The following PIP4K2A variants were observed in gnomAD, a reference collection of about 807,000 sequenced individuals.
PIP4K2A encodes the protein phosphatidylinositol-5-phosphate 4-kinase type 2 alpha, also known as phosphatidylinositol 5-phosphate 4-kinase type-2 alpha.
PIP4K2A carries 14 observed loss-of-function variants against 42.9 expected under a neutral mutation model. The ratio of observed to expected loss-of-function variants is 0.33; its 90% CI spans 0.22 to 0.51. The LOEUF is 0.51. PIP4K2A is among the 20% of genes least tolerant of loss of function. The pLI is 0.97. For synonymous variants in PIP4K2A, 192 were observed against 192.2 expected (o/e 1.00, Z 0.01); for missense variants, 434 against 519.8 (o/e 0.83, Z 1.61).
At chr10:22,640,780 A>G (rs1161906243) in intron 1 of PIP4K2A, among the ~76,000 whole-genome samples, 1 of 152,216 alleles carries the variant, frequency 6.6e-6, no homozygotes, top group Non-Finnish European at 1.5e-5. Context: ...TCCCTAATGC[A>G]AAGTGGAAAT....
At chr10:22,560,579 G>A (rs1785374086) in intron 6 of PIP4K2A, among the ~76,000 whole-genome samples, 2 of 152,196 alleles carry the variant, frequency 1.3e-5, no homozygotes, top group African/African-American at 4.8e-5. Context: ...CCTGAGAATC[G>A]ACAAGGCGGC....
intron 1 of PIP4K2A, among the ~76,000 whole-genome samples, chr10:22,657,917 G>A (rs1374542100): frequency 6.6e-6 from 1 of 152,008 alleles, no homozygotes; most frequent in Non-Finnish European, 1.5e-5. Context: ...ATAAACTAAT[G>A]CTATTGTGAA....
At chr10:22,607,152 T>TA (rs1837923212) in intron 3 of PIP4K2A, among the ~76,000 whole-genome samples, 1 of 152,100 alleles carries the variant, frequency 6.6e-6, no homozygotes, top group South Asian at 2.1e-4. Flanking sequence ...TTTCCACTTT[T>TA]AAAAAAAATC....
intron 4 of PIP4K2A, among the ~76,000 whole-genome samples, chr10:22,587,063 A>C (rs1350091184): frequency 6.6e-6 from 1 of 152,176 alleles, no homozygotes; most frequent in Admixed American, 6.5e-5. Context: ...CTGCCATCCC[A>C]GATTGCTGGG....
At chr10:22,563,479 G>GA (rs903852994) in intron 6 of PIP4K2A, among the ~76,000 whole-genome samples, 1 of 152,058 alleles carries the variant, frequency 6.6e-6, no homozygotes, top group South Asian at 2.1e-4. Context: ...CACTACTTTA[G>GA]AAAAAAAATC....
chr10:22,673,263 T>A (rs1839490094), intron 1 of PIP4K2A, among the ~76,000 whole-genome samples: 1 of 152,272 alleles, frequency 6.6e-6, no homozygotes, highest in Non-Finnish European at 1.5e-5. Context: ...AGCTGTCTTA[T>A]AATTATGCTT....
intron 1 of PIP4K2A, among the ~76,000 whole-genome samples, chr10:22,615,435 C>G (rs964705892): frequency 6.6e-6 from 1 of 152,024 alleles, no homozygotes; most frequent in Non-Finnish European, 1.5e-5. Flanking sequence ...TTCTAAGATA[C>G]TTATATTGGG....
intron 5 of PIP4K2A, among the ~76,000 whole-genome samples, chr10:22,571,106 G>A (rs1836976003): frequency 6.6e-6 from 1 of 152,212 alleles, no homozygotes; most frequent in Non-Finnish European, 1.5e-5. Flanking sequence ...TGTTTATAAA[G>A]AAGGAATGAT....
At chr10:22,671,020 T>C (rs946164648) in intron 1 of PIP4K2A, among the ~76,000 whole-genome samples, 27 of 152,174 alleles carry the variant, frequency 1.8e-4, no homozygotes, top group African/African-American at 6.0e-4. Flanking sequence ...CTGGCTATGA[T>C]GTAAATGCCT....
chr10:22,548,595 G>C (rs531397440), intron 7 of PIP4K2A, among the ~76,000 whole-genome samples: 2 of 152,266 alleles, frequency 1.3e-5, no homozygotes, highest in African/African-American at 4.8e-5. Context: ...TTATCAGTTG[G>C]ATCAAACAGA....
intron 1 of PIP4K2A, among the ~76,000 whole-genome samples, chr10:22,625,921 T>TG (rs1838426392): frequency 6.6e-6 from 1 of 152,154 alleles, no homozygotes; most frequent in Non-Finnish European, 1.5e-5. Flanking sequence ...TCTTATCTCT[T>TG]GGGTCACAAG....
rs142498606 is a variant in PIP4K2A, at chr10:22,550,141, GGGGCCTCACT to G, written c.792+508_792+517del. 4.7e-3 allele frequency among the ~76,000 whole-genome samples: 709 copies of G among 152,238 alleles called. 5 individuals are homozygous for G. The highest frequency in any genetic ancestry group is 0.016 in the African/African-American group (685 of 41,542). On this transcript the variant is annotated intron_variant, in intron 7 of 9. Coordinates refer to ENST00000376573, the MANE Select transcript of PIP4K2A (RefSeq NM_005028.5). ...CTGTGCTAGTCCCACAATGTGTAAG[GGGGCCTCACT>G]GGGCCTCATGACATGGTTTGTGGTG...
chr10:22,577,809 G>A (rs1837159891), intron 4 of PIP4K2A, among the ~76,000 whole-genome samples: 1 of 152,150 alleles, frequency 6.6e-6, no homozygotes, highest in African/African-American at 2.4e-5. Context: ...TAAATGTGCT[G>A]AAGTTTCTCT....
intron 1 of PIP4K2A, among the ~76,000 whole-genome samples, chr10:22,713,172 T>C (rs530311395): frequency 6.6e-6 from 1 of 152,310 alleles, no homozygotes; most frequent in African/African-American, 2.4e-5. Context: ...TCGAAGTGGA[T>C]TAAAACTGCA....
rs1212417725 is a variant in PIP4K2A at position 22,535,561 on chromosome 10, T to C, written c.*1640A>G. On this transcript the variant is annotated 3_prime_UTR_variant, in exon 10 of 10. Coordinates refer to ENST00000376573, the MANE Select transcript of PIP4K2A (RefSeq NM_005028.5). ...GCAGGGAGATCTGTTGAGTTGCAAG[T>C]AATAATTAAAGGGTCGATTTTTGTT... 6.6e-6 allele frequency: 1 copy of C among 152,202 alleles called. No homozygotes were observed. The highest frequency in any genetic ancestry group is 1.5e-5 in the Non-Finnish European group (1 of 68,050). The allele number at this position is 152,202 out of a possible 1,614,324, so 9.4% of individuals were successfully genotyped here. A position where few individuals can be genotyped will look rare whatever the true frequency, so the allele number is the denominator to read the frequency against.
At chr10:22,613,941 TGTA>T (rs1838112278) in intron 1 of PIP4K2A, among the ~76,000 whole-genome samples, 1 of 152,214 alleles carries the variant, frequency 6.6e-6, no homozygotes, top group African/African-American at 2.4e-5. Context: ...AGTTTTCCAC[TGTA>T]GTCGATGGTG....
intron 1 of PIP4K2A, among the ~76,000 whole-genome samples, chr10:22,614,979 T>C (rs1431399284): frequency 2.0e-5 from 3 of 152,188 alleles, no homozygotes; most frequent in African/African-American, 7.2e-5. Context: ...AAAATAAAGA[T>C]TCTTGGGTTT....
chr10:22,571,021 T>A (rs1309839239), intron 5 of PIP4K2A, among the ~76,000 whole-genome samples: 1 of 152,176 alleles, frequency 6.6e-6, no homozygotes, highest in East Asian at 1.9e-4. Context: ...AGCATAACAT[T>A]AAATGTATCA....
At chr10:22,612,366 C>G (rs564073636) in intron 1 of PIP4K2A, among the ~76,000 whole-genome samples, 2 of 152,310 alleles carry the variant, frequency 1.3e-5, no homozygotes, top group African/African-American at 4.8e-5. Context: ...ATGGGGGAGG[C>G]ATGTGAGGCT....
Sources: allele counts gnomAD v4.1 joint callset (sites outside exome capture counted in the v4.1 genomes callset), GRCh38; gene constraint gnomAD v4.1.1; transcripts MANE v1.5; gene names NCBI Gene and HGNC (gene_info 2026-07-23, HGNC 2026-07-21).